PTPRU: variants seen among roughly 807,000 people sequenced by gnomAD.
PTPRU encodes receptor-type tyrosine-protein phosphatase U.
A neutral mutation model predicts 166.3 loss-of-function variants in PTPRU; 69 were observed. The ratio of observed to expected loss-of-function variants is 0.41; its 90% CI spans 0.34 to 0.51. The LOEUF is 0.51. PTPRU is among the 20% of genes least tolerant of loss of function. The probability of loss-of-function intolerance (pLI) is 0.09; values close to 1 mark genes in which losing one functional copy is unlikely to be tolerated. For missense variants in PTPRU, 1,657 were observed against 2,013.7 expected, an observed-to-expected ratio of 0.82 and a Z score of 3.39; for synonymous variants, 793 against 814.0, an observed-to-expected ratio of 0.97 and a Z score of 0.44.
At chr1:29,306,904 C>T (rs535413546) in intron 18 of PTPRU, among the ~76,000 whole-genome samples, 1 of 152,336 alleles carries the variant, frequency 6.6e-6, no homozygotes, top group Admixed American at 6.5e-5. Flanking sequence ...CAGCGGGCCT[C>T]TCCTTGGTCT....
chr1:29,318,421 G>A (rs1174783699), intron 25 of PTPRU, among the ~76,000 whole-genome samples: 4 of 152,178 alleles, frequency 2.6e-5, no homozygotes, highest in African/African-American at 9.7e-5. Context: ...CAAGCTCAGG[G>A]GCTCTGCCTC....
At chr1:29,275,166 A>G (rs1192098671) in intron 7 of PTPRU, among the ~76,000 whole-genome samples, 1 of 151,966 alleles carries the variant, frequency 6.6e-6, no homozygotes, top group Non-Finnish European at 1.5e-5. Flanking sequence ...AGGGCCTATT[A>G]TCTTTTCATT....
chr1:29,258,060 G>A (rs1684850470), intron 2 of PTPRU, among the ~76,000 whole-genome samples: 1 of 152,126 alleles, frequency 6.6e-6, no homozygotes, highest in Non-Finnish European at 1.5e-5. Flanking sequence ...TGCCTCCCAG[G>A]TTCAAGCAAT....
intron 28 of PTPRU, 135 bp downstream of exon 28, chr1:29,323,923 C>A: frequency 8.7e-7 from 1 of 1,152,866 alleles, no homozygotes; most frequent in Non-Finnish European, 1.2e-6. Context: ...ATGGCTGTGG[C>A]CAGGATGCTG....
At chr1:29,298,508 G>A (rs1373533294) in intron 15 of PTPRU, among the ~76,000 whole-genome samples, 6 of 152,152 alleles carry the variant, frequency 3.9e-5, no homozygotes, top group African/African-American at 1.2e-4. Context: ...AACTGGTGGC[G>A]GGGCTGGTGT....
chr1:29,276,902 T>C (rs1046362482), intron 8 of PTPRU, among the ~76,000 whole-genome samples: 1 of 152,216 alleles, frequency 6.6e-6, no homozygotes, highest in Non-Finnish European at 1.5e-5. Context: ...TCATTTCTAA[T>C]ATACGTGTTT....
chr1:29,254,268 T>G (rs772032924), intron 1 of PTPRU, among the ~76,000 whole-genome samples: 11 of 152,190 alleles, frequency 7.2e-5, no homozygotes, highest in Non-Finnish European at 1.5e-4. Context: ...GGGAGAAGCT[T>G]GCAATTCCTT....
rs148761398 is a variant in PTPRU, at chr1:29,282,802, C to T, written c.1995C>T (p.Phe665=). Residue 665 remains phenylalanine (F), a synonymous_variant, in exon 12 of 30, where the codon TTC becomes TTT. Transcript: ENST00000373779. ...AALARGLVHY[F]GAELAASSLP... ...TGGCCCGAGGCCTGGTGCACTACTTCGGGGCCGAACTGGCGGCCAGCAGTC... is the reference window on the plus strand; with the variant it reads ...TGGCCCGAGGCCTGGTGCACTACTTTGGGGCCGAACTGGCGGCCAGCAGTC... The T allele has an allele frequency of 9.9e-6, 16 of 1,614,020 alleles. No homozygotes were observed. The highest frequency in any genetic ancestry group is 5.0e-5 in the Admixed American group (3 of 60,004).
chr1:29,304,993 C>G, intron 17 of PTPRU, 144 bp downstream of exon 17: 1 of 676,232 alleles, frequency 1.5e-6, no homozygotes, highest in Non-Finnish European at 2.5e-6. Context: ...ACACGTCACG[C>G]CCTGTGCTTG....
At chr1:29,261,337 A>G (rs1039281866) in intron 7 of PTPRU, among the ~76,000 whole-genome samples, 1 of 152,112 alleles carries the variant, frequency 6.6e-6, no homozygotes, top group African/African-American at 2.4e-5. Flanking sequence ...CATCAAATAC[A>G]AGTATATTAT....
At chr1:29,316,262 A>G in intron 24 of PTPRU, 111 bp downstream of exon 24, 1 of 1,300,176 alleles carries the variant, frequency 7.7e-7, no homozygotes, top group Non-Finnish European at 1.1e-6. Flanking sequence ...GACCAGCCTG[A>G]GGCCACAGCT....
intron 1 of PTPRU, among the ~76,000 whole-genome samples, chr1:29,241,514 CCA>C (rs1040698587): frequency 1.3e-5 from 2 of 151,742 alleles, no homozygotes. Context: ...CAACAGGGAC[CCA>C]GTCATTGAAG....
At chr1:29,278,989 C>T in intron 8 of PTPRU, 23 bp from the exon 9 acceptor site, 1 of 1,547,362 alleles carries the variant, frequency 6.5e-7, no homozygotes, top group Non-Finnish European at 8.8e-7. Context: ...TTTCCCCTGG[C>T]CCCTGCTGCC....
chr1:29,308,799 G>A (rs2151965601), intron 18 of PTPRU, among the ~76,000 whole-genome samples: 1 of 152,066 alleles, frequency 6.6e-6, no homozygotes, highest in East Asian at 1.9e-4. Flanking sequence ...TGAGGCGGGA[G>A]GATTGCTTGA....
At chr1:29,285,656 C>G (rs1036712707) in intron 14 of PTPRU, among the ~76,000 whole-genome samples, 1 of 152,228 alleles carries the variant, frequency 6.6e-6, no homozygotes, top group Admixed American at 6.5e-5. Flanking sequence ...TAGTTCAAGG[C>G]CATCTAGTCT....
intron 1 of PTPRU, among the ~76,000 whole-genome samples, chr1:29,247,856 G>C (rs1049255738): frequency 1.3e-5 from 2 of 152,196 alleles, no homozygotes; most frequent in Admixed American, 6.5e-5. Flanking sequence ...GTCAGGCTGT[G>C]TGTTGGCTCT....
At chr1:29,303,775 C>T (rs1013148300) in intron 15 of PTPRU, 80 bp from the exon 16 acceptor site, 1 of 1,404,680 alleles carries the variant, frequency 7.1e-7, no homozygotes, top group East Asian at 2.3e-5. Flanking sequence ...CCTCCCCACC[C>T]CCATAGACCC....
At chr1:29,313,358 C>T (rs577467518) in intron 22 of PTPRU, among the ~76,000 whole-genome samples, 4 of 152,244 alleles carry the variant, frequency 2.6e-5, no homozygotes, top group East Asian at 1.9e-4. Context: ...CCCCAAATGC[C>T]GCATGGTAGA....
At position 29,315,297 on chromosome 1, in the gene PTPRU, C is replaced by G; in HGVS notation, c.3228-75C>G. On this transcript the variant is annotated intron_variant, in intron 22 of 29. Transcript: ENST00000373779. The surrounding 1 kb of genome is among the most constrained non-coding windows in gnomAD (Gnocchi z 4.5). ...GTATGGTGTAGACATGGCCAGTGCCCTCCTCTCTTCTTCTCCTTAGTCCCG... is the reference window on the plus strand; with the variant it reads ...GTATGGTGTAGACATGGCCAGTGCCGTCCTCTCTTCTTCTCCTTAGTCCCG... 3.2e-6 allele frequency: 5 copies of G among 1,575,326 alleles called. No individual in the cohort carries two copies. Among genetic ancestry groups the G allele is most frequent in the Non-Finnish European group, 4.3e-6 (5 of 1,150,576 alleles).
Sources: gnomAD v4.1 joint callset for allele counts (sites outside exome capture counted in the v4.1 genomes callset) on GRCh38, gnomAD v4.1.1 for gene constraint, Gnocchi (gnomAD v3.1) non-coding constraint, MANE v1.5 for transcripts, NCBI Gene and HGNC (gene_info 2026-07-23, HGNC 2026-07-21) for gene names.